The following PHF21B variants were observed in gnomAD, a reference collection of about 807,000 sequenced individuals.
PHF21B encodes the protein PHD finger protein 21B.
In PHF21B, 22 loss-of-function variants were observed where a neutral mutation model predicts 62.2. The observed-to-expected ratio is 0.35, with a 90% CI of 0.25 to 0.51. PHF21B has a LOEUF of 0.51. Ranked by LOEUF, PHF21B falls within the 20% of genes least tolerant of loss-of-function variation. The pLI, the probability that PHF21B is intolerant of heterozygous loss-of-function variation, is 0.97. For synonymous variants in PHF21B, 341 were observed against 314.7 expected (o/e 1.08, Z -0.88); for missense variants, 701 against 707.9 (o/e 0.99, Z 0.11).
chr22:44,918,098 C>G (rs2071471293), intron 3 of PHF21B, among the ~76,000 whole-genome samples: 1 of 152,264 alleles, frequency 6.6e-6, no homozygotes, highest in South Asian at 2.1e-4. Flanking sequence ...CCAACAGAAA[C>G]TCCAATACCA....
intron 2 of PHF21B, among the ~76,000 whole-genome samples, chr22:45,007,766 A>T (rs1424014460): frequency 6.5e-5 from 1 of 15,426 alleles, no homozygotes; most frequent in Admixed American, 7.6e-4. Context: ...GGGGCAGCGG[A>T]GGAGGGGCGG....
In PHF21B at chr22:45,009,064, ACGC is replaced by A. The variant is rs890578901; in HGVS notation, c.54+429_54+431del. The A allele has an allele frequency of 1.1e-4, 118 of 1,115,486 alleles. No individual in the cohort carries two copies. The highest frequency in any genetic ancestry group is 1.2e-4 in the Non-Finnish European group (111 of 908,530). The allele number at this position is 1,115,486 out of a possible 1,614,324, so 69.1% of individuals were successfully genotyped here. A position where few individuals can be genotyped will look rare whatever the true frequency, so the allele number is the denominator to read the frequency against. On this transcript the variant is annotated intron_variant, in intron 1 of 12. Transcript: ENST00000313237. The surrounding 1 kb of genome is among the most constrained non-coding windows in gnomAD (Gnocchi z 5.9). ...GAGCCCCGCTCAGGCTCCGGCCGCC[ACGC>A]CGCCGCTCGCCAGCAGCGATCGCCA...
At chr22:44,981,107 A>AAAGGC (rs2072834023) in intron 2 of PHF21B, among the ~76,000 whole-genome samples, 2 of 152,170 alleles carry the variant, frequency 1.3e-5, no homozygotes, top group Non-Finnish European at 2.9e-5. Flanking sequence ...CTCTGGGACC[A>AAAGGC]AAGGCATAGA....
chr22:44,929,429 T>C (rs1238777866), intron 2 of PHF21B, among the ~76,000 whole-genome samples: 1 of 152,046 alleles, frequency 6.6e-6, no homozygotes, highest in Non-Finnish European at 1.5e-5. Flanking sequence ...CCACGGCGAG[T>C]GCATGTGAAA....
At chr22:44,887,855 C>T in intron 10 of PHF21B, 108 bp downstream of exon 10, 2 of 1,205,550 alleles carry the variant, frequency 1.7e-6, no homozygotes, top group Non-Finnish European at 1.1e-6. Flanking sequence ...GTTGAAAAAG[C>T]CTTCCTATAC....
At chr22:44,900,154 C>T (rs757515095) in intron 5 of PHF21B, among the ~76,000 whole-genome samples, 1 of 152,132 alleles carries the variant, frequency 6.6e-6, no homozygotes, top group Non-Finnish European at 1.5e-5. Flanking sequence ...TATCGGAACA[C>T]ATCATATTTA....
At chr22:44,984,235 A>AC (rs2072905883) in intron 2 of PHF21B, among the ~76,000 whole-genome samples, 1 of 41,450 alleles carries the variant, frequency 2.4e-5, no homozygotes, top group African/African-American at 8.6e-5. Context: ...CACCATCACC[A>AC]CCCTCATTAC....
At chr22:44,940,976 C>T (rs1259455779) in intron 2 of PHF21B, among the ~76,000 whole-genome samples, 1 of 152,198 alleles carries the variant, frequency 6.6e-6, no homozygotes, top group Admixed American at 6.5e-5. Flanking sequence ...AACATTACAA[C>T]TCATTGCAAT....
intron 2 of PHF21B, among the ~76,000 whole-genome samples, chr22:44,955,038 C>T (rs1036945692): frequency 3.9e-5 from 6 of 152,212 alleles, no homozygotes; most frequent in Admixed American, 6.5e-5. Context: ...CCCAGAGCAA[C>T]CACACTAGGG....
chr22:44,930,643 C>A (rs1216597281), intron 2 of PHF21B, among the ~76,000 whole-genome samples: 1 of 152,168 alleles, frequency 6.6e-6, no homozygotes, highest in Non-Finnish European at 1.5e-5. Context: ...CAAAGGTGGA[C>A]AGTGAAGGAG....
intron 2 of PHF21B, among the ~76,000 whole-genome samples, chr22:44,938,688 G>C (rs2071897051): frequency 6.6e-6 from 1 of 152,208 alleles, no homozygotes; most frequent in Non-Finnish European, 1.5e-5. Flanking sequence ...GCATGGCTAA[G>C]ATGCTTCATC....
chr22:44,881,628 G>A lies in PHF21B; in HGVS notation c.*1458C>T, dbSNP rs149771250. The A allele has an allele frequency of 6.6e-3, 1,004 of 152,818 alleles. 12 individuals carry two copies. The highest frequency in any genetic ancestry group is 0.014 in the Middle Eastern group (4 of 294). 9.5% of individuals were successfully genotyped at this position (152,818 alleles called of 1,614,324 possible). On this transcript the variant is annotated 3_prime_UTR_variant, in exon 13 of 13. Coordinates refer to ENST00000313237, the MANE Select transcript of PHF21B (RefSeq NM_138415.5). ...TGACAGGAGGGACCGTGGCAGCTGC[G>A]GGATTTGCCGGCCTCCTCGCTCTGC...
chr22:44,894,006 G>A (rs1256535492), intron 6 of PHF21B, among the ~76,000 whole-genome samples: 5 of 152,228 alleles, frequency 3.3e-5, no homozygotes, highest in South Asian at 2.1e-4. Flanking sequence ...GCATGCGAGC[G>A]AGAGGGGGCA....
chr22:44,928,419 C>T (rs2071675060), intron 2 of PHF21B, among the ~76,000 whole-genome samples: 1 of 151,946 alleles, frequency 6.6e-6, no homozygotes, highest in African/African-American at 2.4e-5. Context: ...ATGAAAGGAA[C>T]TTTTTTTTGA....
chr22:44,943,871 G>A (rs2147371028), intron 2 of PHF21B, among the ~76,000 whole-genome samples: 1 of 152,286 alleles, frequency 6.6e-6, no homozygotes. Context: ...TTCCAGGCCC[G>A]GCTTCCGAGT....
In PHF21B at chr22:44,933,370, G is replaced by A. The variant is rs56680167; in HGVS notation, c.121-12880C>T. 1,697 of 822,660 alleles carry A rather than the reference G, an allele frequency of 2.1e-3. 15 individuals are homozygous for A. The African/African-American group carries it at 0.029, about 14-fold the overall frequency. 51.0% of individuals were successfully genotyped at this position (822,660 alleles called of 1,614,324 possible). A position where few individuals can be genotyped will look rare whatever the true frequency, so the allele number is the denominator to read the frequency against. ...AGGGGATCCGTCCGCCTCGGCCTCC[G>A]AAAGTGATGGGATTACAGGCGTGAG... On this transcript the variant is annotated intron_variant, in intron 2 of 12. Coordinates refer to ENST00000313237, the MANE Select transcript of PHF21B (RefSeq NM_138415.5).
At chr22:44,910,522 G>GT (rs2071326875) in intron 5 of PHF21B, among the ~76,000 whole-genome samples, 1 of 152,168 alleles carries the variant, frequency 6.6e-6, no homozygotes, top group South Asian at 2.1e-4. Flanking sequence ...GGTCTTTCCT[G>GT]TGCTGTTCTT....
intron 7 of PHF21B, among the ~76,000 whole-genome samples, chr22:44,892,692 G>A (rs187906843): frequency 6.6e-6 from 1 of 152,200 alleles, no homozygotes; most frequent in Admixed American, 6.5e-5. Context: ...CTAAGACACT[G>A]CCCCTAAGAA....
intron 2 of PHF21B, among the ~76,000 whole-genome samples, chr22:44,978,643 GCCACCACGC>G (rs1050175574): frequency 5.3e-5 from 8 of 152,210 alleles, no homozygotes; most frequent in African/African-American, 9.6e-5. Flanking sequence ...ACAGGCGTGA[GCCACCACGC>G]CCAGCCTCCC....
Sources: gnomAD v4.1 joint callset for allele counts (sites outside exome capture counted in the v4.1 genomes callset) on GRCh38, gnomAD v4.1.1 for gene constraint, Gnocchi (gnomAD v3.1) non-coding constraint, MANE v1.5 for transcripts, NCBI Gene and HGNC (gene_info 2026-07-23, HGNC 2026-07-21) for gene names.